Variants in VASN observed in about 807,000 individuals in gnomAD.
VASN encodes protein slit-like 2.
A neutral mutation model predicts 4.8 loss-of-function variants in VASN; 5 were observed. That is an observed-to-expected ratio of 1.03 (90% CI 0.54 to 2.17). VASN has a LOEUF of 2.17. Among genes scored for constraint, VASN ranks in the 30% most tolerant of loss-of-function variants. The pLI is 0.01. For missense variants in VASN, 927 were observed against 948.8 expected, an observed-to-expected ratio of 0.98 and a Z score of 0.30; for synonymous variants, 499 against 460.8, an observed-to-expected ratio of 1.08 and a Z score of -1.06.
intron 1 of VASN, among the ~76,000 whole-genome samples, chr16:4,374,912 G>A (rs112415855): frequency 2.0e-5 from 3 of 152,214 alleles, no homozygotes; most frequent in African/African-American, 7.2e-5. Flanking sequence ...GCAGGTTAGG[G>A]CCTTACTAGA....
chr16:4,383,104 G>C lies in VASN; in HGVS notation c.*205G>C. 1.7e-6 allele frequency: 1 copy of C among 597,010 alleles called. No homozygotes were observed. The highest frequency in any genetic ancestry group is 2.8e-6 in the Non-Finnish European group (1 of 351,082). 37.0% of individuals were successfully genotyped at this position (597,010 alleles called of 1,614,324 possible). A position where few individuals can be genotyped will look rare whatever the true frequency, so the allele number is the denominator to read the frequency against. ...TGTGGCCCAGCTGACGAGCCCTAACGTCCCCAGAACCGAGTGCCTATGAGG... is the reference window on the plus strand; with the variant it reads ...TGTGGCCCAGCTGACGAGCCCTAACCTCCCCAGAACCGAGTGCCTATGAGG... On this transcript the variant is annotated 3_prime_UTR_variant, in exon 2 of 2. Coordinates refer to ENST00000304735, the MANE Select transcript of VASN (RefSeq NM_138440.3).
At chr16:4,380,314 C>A (rs1223472255) in intron 1 of VASN, among the ~76,000 whole-genome samples, 1 of 152,234 alleles carries the variant, frequency 6.6e-6, no homozygotes. Context: ...CTAAGCAGGT[C>A]TGACTGCCCA....
intron 1 of VASN, among the ~76,000 whole-genome samples, chr16:4,377,858 G>A (rs187131621): frequency 1.8e-4 from 28 of 152,262 alleles, no homozygotes; most frequent in African/African-American, 4.8e-4. Flanking sequence ...GCTGGCTGCC[G>A]CCTGCTGGAT....
chr16:4,374,303 G>A (rs1460574309), intron 1 of VASN, among the ~76,000 whole-genome samples: 4 of 152,096 alleles, frequency 2.6e-5, no homozygotes, highest in South Asian at 2.1e-4. Flanking sequence ...TTCCCTCCGC[G>A]CTGGGCCGCC....
Position 4,381,294 on chromosome 16 carries a change from C to A in VASN, c.417C>A (p.Ile139=), listed in dbSNP as rs1235770971. Reference sequence around the variant, plus strand: ...TGGGCAAGAACCGCATCCGCCACATCCAGCCTGGTGCCTTCGACACGCTCG... The same window carrying A: ...TGGGCAAGAACCGCATCCGCCACATACAGCCTGGTGCCTTCGACACGCTCG... The part of the protein sequence containing the change: ...LYLGKNRIRH[I]QPGAFDTLDR... Residue 139 remains isoleucine (I), a synonymous_variant, in exon 2 of 2, where the codon ATC becomes ATA. Transcript: ENST00000304735. The A allele has an allele frequency of 4.3e-6, 7 of 1,612,294 alleles. No individual in the cohort carries two copies. Among genetic ancestry groups the A allele is most frequent in the Non-Finnish European group, 5.1e-6 (6 of 1,179,808 alleles).
intron 1 of VASN, among the ~76,000 whole-genome samples, chr16:4,376,265 G>A (rs962017854): frequency 2.0e-5 from 3 of 152,208 alleles, no homozygotes; most frequent in East Asian, 1.9e-4. Flanking sequence ...CCTCGGACAC[G>A]TCAGCGAAAC....
Position 4,382,653 on chromosome 16 carries a change from G to A in VASN, c.1776G>A (p.Ala592=), listed in dbSNP as rs998333554. The A allele has an allele frequency of 2.1e-5, 32 of 1,553,556 alleles. No homozygotes were observed. The highest frequency in any genetic ancestry group is 8.2e-5 in the South Asian group (7 of 84,966). ...CGGTGCTCCTGGCCGCGCTGGCTGC[G>A]GTGGGGGCAGCCTACTGTGTGCGGC... ...LAAVLLAALA[A]VGAAYCVRRG... is the part of the protein sequence containing the mutation. The change falls in exon 2 of 2, where the codon GCG becomes GCA. Residue 592 remains alanine, a synonymous_variant. Coordinates refer to ENST00000304735, the MANE Select transcript of VASN (RefSeq NM_138440.3).
chr16:4,380,809 T>C, intron 1 of VASN, 60 bp from the exon 2 acceptor site: 1 of 1,412,498 alleles, frequency 7.1e-7, no homozygotes, highest in Non-Finnish European at 9.3e-7. Flanking sequence ...CTTCCTGGCG[T>C]GTCTGCCTTC....
chr16:4,382,538 A>G lies in VASN; in HGVS notation c.1661A>G (p.His554Arg), dbSNP rs1243514757. The change falls in exon 2 of 2, where the codon CAT (histidine) becomes CGT (arginine). Residue 554 changes from histidine to arginine, a missense_variant. By Grantham distance (29) the His-to-Arg change is conservative. Transcript: ENST00000304735. Reference protein sequence around the residue: ...PEGEEACGEAHTPPAVHSNHA... With the variant: ...PEGEEACGEARTPPAVHSNHA... ...GGCGAGGAGGCCTGCGGGGAGGCCCATACACCCCCAGCCGTCCACTCCAAC... is the reference window on the plus strand; with the variant it reads ...GGCGAGGAGGCCTGCGGGGAGGCCCGTACACCCCCAGCCGTCCACTCCAAC... 3.8e-6 allele frequency: 6 copies of G among 1,592,914 alleles called. No individual in the cohort carries two copies. The highest frequency in any genetic ancestry group is 5.1e-6 in the Non-Finnish European group (6 of 1,170,758).
Position 4,381,108 on chromosome 16 carries a change from C to T in VASN, c.231C>T (p.Gly77=). 6.2e-7 allele frequency: 1 copy of T among 1,608,952 alleles called. No individual in the cohort carries two copies. The highest frequency in any genetic ancestry group is 8.5e-7 in the Non-Finnish European group (1 of 1,178,412). ...CAGGCAGCTTTGCCGGCCTGCCGGGCCTGCAGCTCCTGGACCTGTCACAGA... is the reference window on the plus strand; with the variant it reads ...CAGGCAGCTTTGCCGGCCTGCCGGGTCTGCAGCTCCTGGACCTGTCACAGA... ...LDAGSFAGLP[G]LQLLDLSQNQ... The change falls in exon 2 of 2, where the codon GGC becomes GGT. Residue 77 remains glycine (G), a synonymous_variant. Coordinates refer to ENST00000304735, the MANE Select transcript of VASN (RefSeq NM_138440.3).
intron 1 of VASN, among the ~76,000 whole-genome samples, chr16:4,377,400 C>T (rs1343972582): frequency 6.6e-6 from 1 of 152,138 alleles, no homozygotes; most frequent in African/African-American, 2.4e-5. Context: ...GTAGACAGCC[C>T]CCAGCCCCAC....
In VASN at chr16:4,383,151, G is replaced by C. The variant is rs1010911907; in HGVS notation, c.*252G>C. 8.4e-6 allele frequency: 4 copies of C among 473,496 alleles called. No individual in the cohort carries two copies. Among genetic ancestry groups the C allele is most frequent in the African/African-American group, 2.0e-5 (1 of 48,990 alleles). 29.3% of individuals were successfully genotyped at this position (473,496 alleles called of 1,614,324 possible). A position where few individuals can be genotyped will look rare whatever the true frequency, so the allele number is the denominator to read the frequency against. Reference sequence around the variant, plus strand: ...GAGGACAGTGTCCGCCCTGCCCTCCGCAACGTGCAGTCCCTGGGCACGGCG... The same window carrying C: ...GAGGACAGTGTCCGCCCTGCCCTCCCCAACGTGCAGTCCCTGGGCACGGCG... On this transcript the variant is annotated 3_prime_UTR_variant, in exon 2 of 2. Transcript: ENST00000304735.
In VASN at chr16:4,381,813, G is replaced by T; in HGVS notation, c.936G>T (p.Trp312Cys). The T allele has an allele frequency of 6.2e-7, 1 of 1,600,594 alleles. No individual in the cohort carries two copies. Residue 312 changes from tryptophan (W) to cysteine (C), a missense_variant, in exon 2 of 2, where the codon TGG (tryptophan) becomes TGT (cysteine). Transcript: ENST00000304735. ...GCCCCCTGAGCTGGTTTGGCCCCTG[G>T]GTGCGCGAGAGCCACGTCACACTGG... is the stretch of plus-strand genomic sequence containing the variant. ...CVCPLSWFGP[W>C]VRESHVTLAS...
chr16:4,373,542 C>G (rs1375370304), intron 1 of VASN, among the ~76,000 whole-genome samples: 1 of 152,124 alleles, frequency 6.6e-6, no homozygotes, highest in Admixed American at 6.5e-5. Context: ...CTGCCCAGAC[C>G]TGTGCTTACC....
At chr16:4,375,366 C>T (rs542814993) in intron 1 of VASN, among the ~76,000 whole-genome samples, 175 of 152,378 alleles carry the variant, frequency 1.1e-3, no homozygotes, top group Non-Finnish European at 2.0e-3. Context: ...CACAGGAAGA[C>T]GAGCTGACAT....
chr16:4,382,798 G>T lies in VASN; in HGVS notation c.1921G>T (p.Gly641Cys), dbSNP rs866863767. Residue 641 changes from glycine to cysteine, a missense_variant, in exon 2 of 2, where the codon GGT (glycine) becomes TGT (cysteine). Coordinates refer to ENST00000304735, the MANE Select transcript of VASN (RefSeq NM_138440.3). Reference protein sequence around the residue: ...LEPGPKATEGGGEALPSGSEC... With the variant: ...LEPGPKATEGCGEALPSGSEC... ...GCCAGGCCCGAAGGCAACAGAGGGC[G>T]GTGGAGAGGCCCTGCCCAGCGGGTC... is the stretch of plus-strand genomic sequence containing the variant. 1 of 1,589,340 alleles carries T rather than the reference G, an allele frequency of 6.3e-7. No individual in the cohort carries two copies. The highest frequency in any genetic ancestry group is 8.6e-7 in the Non-Finnish European group (1 of 1,168,830).
At chr16:4,372,719 T>C (rs1325390714) in intron 1 of VASN, among the ~76,000 whole-genome samples, 1 of 152,152 alleles carries the variant, frequency 6.6e-6, no homozygotes, top group Non-Finnish European at 1.5e-5. Context: ...CTGTGGTCAC[T>C]GGCAGGCCAG....
chr16:4,382,544 C>T lies in VASN; in HGVS notation c.1667C>T (p.Pro556Leu). The change falls in exon 2 of 2, where the codon CCC becomes CTC. Residue 556 changes from proline (P) to leucine (L), a missense_variant. Pro to Leu is a moderately conservative substitution (Grantham distance 98, BLOSUM62 -3). Coordinates refer to ENST00000304735, the MANE Select transcript of VASN (RefSeq NM_138440.3). ...GAGGCCTGCGGGGAGGCCCATACAC[C>T]CCCAGCCGTCCACTCCAACCACGCC... is the stretch of plus-strand genomic sequence containing the variant. ...GEEACGEAHT[P>L]PAVHSNHAPV... 1 of 1,592,938 alleles carries T rather than the reference C, an allele frequency of 6.3e-7. No homozygotes were observed. The highest frequency in any genetic ancestry group is 8.5e-7 in the Non-Finnish European group (1 of 1,170,900).
rs1211100128 is a variant in VASN, at chr16:4,382,385, G to T, written c.1508G>T (p.Gly503Val). 6 of 1,612,258 alleles carry T rather than the reference G, an allele frequency of 3.7e-6. No individual in the cohort carries two copies. Among genetic ancestry groups the T allele is most frequent in the Non-Finnish European group, 5.1e-6 (6 of 1,179,770 alleles). Reference protein sequence around the residue: ...SLRLTYRNLSGPDKRLVTLRL... With the variant: ...SLRLTYRNLSVPDKRLVTLRL... Reference sequence around the variant, plus strand: ...CGTCTCACCTATCGCAACCTATCGGGCCCTGATAAGCGGCTGGTGACGCTG... The same window carrying T: ...CGTCTCACCTATCGCAACCTATCGGTCCCTGATAAGCGGCTGGTGACGCTG... Residue 503 changes from glycine (G) to valine (V), a missense_variant, in exon 2 of 2, where the codon GGC becomes GTC. By Grantham distance (109) the Gly-to-Val change is moderately radical (BLOSUM62 -3). Transcript: ENST00000304735.
Sources: allele counts gnomAD v4.1 joint callset (sites outside exome capture counted in the v4.1 genomes callset), GRCh38; gene constraint gnomAD v4.1.1; transcripts MANE v1.5; gene names NCBI Gene and HGNC (gene_info 2026-07-23, HGNC 2026-07-21).